Variants in DNAH11 observed in about 807,000 individuals in gnomAD.
DNAH11 encodes the protein dynein axonemal heavy chain 11, also known as axonemal beta dynein heavy chain 11.
A neutral mutation model predicts 526.0 loss-of-function variants in DNAH11; 442 were observed. The ratio of observed to expected loss-of-function variants is 0.84; its 90% CI spans 0.78 to 0.91. The LOEUF (loss-of-function observed/expected upper bound fraction) is 0.91, where lower values mean the gene tolerates loss of function less well. Among genes scored for constraint, DNAH11 ranks in the 40% least tolerant of loss-of-function variants. The pLI is 0.00. For synonymous variants in DNAH11, 2,461 were observed against 1,935.9 expected, an observed-to-expected ratio of 1.27 and a Z score of -7.12; for missense variants, 6,989 against 5,448.7, an observed-to-expected ratio of 1.28 and a Z score of -8.90.
chr7:21,614,463 C>G (rs894515168), intron 20 of DNAH11, among the ~76,000 whole-genome samples: 2 of 152,100 alleles, frequency 1.3e-5, no homozygotes, highest in African/African-American at 4.8e-5. Context: ...AGCATAGTAC[C>G]ATTTTGTTAA....
intron 68 of DNAH11, among the ~76,000 whole-genome samples, chr7:21,861,440 A>G (rs1430235521): frequency 6.6e-6 from 1 of 152,270 alleles, no homozygotes; most frequent in Non-Finnish European, 1.5e-5. Context: ...CATGAGAAAA[A>G]AATTCCACAT....
chr7:21,591,118 C>T, intron 13 of DNAH11, 67 bp from the exon 14 acceptor site: 5 of 1,481,042 alleles, frequency 3.4e-6, no homozygotes, highest in East Asian at 4.8e-5. Context: ...GATATTTTTA[C>T]ACCTTTAAGA....
intron 45 of DNAH11, among the ~76,000 whole-genome samples, chr7:21,726,375 C>T (rs973324297): frequency 6.6e-6 from 1 of 152,142 alleles, no homozygotes; most frequent in Non-Finnish European, 1.5e-5. Flanking sequence ...TTGTGGATTA[C>T]AATTCAACAT....
At chr7:21,803,083 T>C (rs963015355) in intron 62 of DNAH11, among the ~76,000 whole-genome samples, 3 of 152,004 alleles carry the variant, frequency 2.0e-5, no homozygotes, top group African/African-American at 7.2e-5. Flanking sequence ...AGAAAGCATA[T>C]AACATATATA....
intron 68 of DNAH11, among the ~76,000 whole-genome samples, chr7:21,855,649 C>A (rs1782816209): frequency 6.6e-6 from 1 of 152,196 alleles, no homozygotes; most frequent in Non-Finnish European, 1.5e-5. Context: ...AAAGCCCACG[C>A]TCCATACCTT....
intron 45 of DNAH11, among the ~76,000 whole-genome samples, chr7:21,731,252 C>G (rs993824224): frequency 6.6e-6 from 1 of 151,948 alleles, no homozygotes; most frequent in African/African-American, 2.4e-5. Flanking sequence ...TAAATACATA[C>G]AATTTTGTCA....
At chr7:21,804,132 G>A (rs1027980145) in intron 62 of DNAH11, among the ~76,000 whole-genome samples, 6 of 151,042 alleles carry the variant, frequency 4.0e-5, no homozygotes, top group East Asian at 2.0e-4. Context: ...GTTTTGAGAC[G>A]GAGTCTTGCT....
chr7:21,786,326 G>A (rs564832873), intron 58 of DNAH11, among the ~76,000 whole-genome samples: 1 of 151,788 alleles, frequency 6.6e-6, no homozygotes, highest in Non-Finnish European at 1.5e-5. Context: ...GTGTGTGTGT[G>A]TGTATCCTGG....
At chr7:21,552,218 G>C (rs150818890) in intron 2 of DNAH11, among the ~76,000 whole-genome samples, 4 of 152,284 alleles carry the variant, frequency 2.6e-5, no homozygotes, top group Non-Finnish European at 5.9e-5. Context: ...TGTAATGAAG[G>C]CCTGCTTTAG....
chr7:21,775,195 A>G (rs1787620473), intron 56 of DNAH11, among the ~76,000 whole-genome samples: 1 of 152,198 alleles, frequency 6.6e-6, no homozygotes, highest in African/African-American at 2.4e-5. Context: ...ATGGACCACA[A>G]TTAGGAAAGA....
intron 74 of DNAH11, among the ~76,000 whole-genome samples, chr7:21,878,655 C>G (rs1384647049): frequency 7.2e-5 from 11 of 152,122 alleles, no homozygotes; most frequent in Non-Finnish European, 1.3e-4. Context: ...TTAATTGGAT[C>G]TGCGCTACAT....
At chr7:21,709,531 T>C (rs1158026260) in intron 40 of DNAH11, among the ~76,000 whole-genome samples, 1 of 152,200 alleles carries the variant, frequency 6.6e-6, no homozygotes, top group African/African-American at 2.4e-5. Context: ...TGTCACACAG[T>C]ATACCCATGC....
chr7:21,703,446 C>G (rs1425318357), intron 37 of DNAH11: 1 of 152,308 alleles, frequency 6.6e-6, no homozygotes, highest in African/African-American at 2.4e-5. Context: ...CACAGTTCTA[C>G]AGGCTTAACA....
At chr7:21,726,734 G>A (rs1406216131) in intron 45 of DNAH11, among the ~76,000 whole-genome samples, 11 of 149,376 alleles carry the variant, frequency 7.4e-5, no homozygotes, top group African/African-American at 1.2e-4. Context: ...GGTGGCGGGC[G>A]CCTGTAGTCC....
Position 21,748,595 on chromosome 7 carries a change from G to C in DNAH11, c.8526G>C (p.Arg2842=). The C allele has an allele frequency of 6.5e-7, 1 of 1,547,602 alleles. No individual in the cohort carries two copies. The highest frequency in any genetic ancestry group is 8.7e-7 in the Non-Finnish European group (1 of 1,144,666). The change falls in exon 52 of 82, where the codon CGG becomes CGC. Residue 2842 remains arginine, a synonymous_variant. Transcript: ENST00000409508. ...CTTTCCTCAGGTGTCGCATCAGCCGGATCTTACGAACCCCTCAGGGCTGTG... is the reference window on the plus strand; with the variant it reads ...CTTTCCTCAGGTGTCGCATCAGCCGCATCTTACGAACCCCTCAGGGCTGTG... ...DAMQHVCRIS[R]ILRTPQGCAL...
intron 50 of DNAH11, 60 bp from the exon 51 acceptor site, chr7:21,744,810 C>T: frequency 6.5e-7 from 1 of 1,543,842 alleles, no homozygotes; most frequent in Non-Finnish European, 8.7e-7. Context: ...GCCATGCTGC[C>T]TGCAGCTGGA....
chr7:21,606,364 C>CTA, intron 18 of DNAH11, 62 bp from the exon 19 acceptor site: 2 of 1,298,534 alleles, frequency 1.5e-6, no homozygotes, highest in South Asian at 2.7e-5. Context: ...TCATTTAATC[C>CTA]TATAGGGTTG....
intron 65 of DNAH11, 73 bp from the exon 66 acceptor site, chr7:21,842,471 G>A: frequency 7.9e-7 from 1 of 1,273,108 alleles, no homozygotes; most frequent in Non-Finnish European, 1.1e-6. Flanking sequence ...AAGAATACAG[G>A]AATGGAATGA....
intron 5 of DNAH11, chr7:21,561,535 AGT>A (rs1373425866): frequency 6.1e-6 from 1 of 165,136 alleles, no homozygotes; most frequent in African/African-American, 2.4e-5. Flanking sequence ...CAGTTCTCTG[AGT>A]GTGCTTGGTA....
Sources: allele counts gnomAD v4.1 joint callset (sites outside exome capture counted in the v4.1 genomes callset), GRCh38; gene constraint gnomAD v4.1.1; transcripts MANE v1.5; gene names NCBI Gene and HGNC (gene_info 2026-07-23, HGNC 2026-07-21).